CSMD1: variants seen among roughly 807,000 people sequenced by gnomAD.
The protein encoded by CSMD1 is CUB and Sushi multiple domains 1.
In CSMD1, 213 loss-of-function variants were observed where a neutral mutation model predicts 417.5. The observed-to-expected ratio is 0.51, with a 90% CI of 0.46 to 0.57. The LOEUF (loss-of-function observed/expected upper bound fraction) is 0.57, where lower values mean the gene tolerates loss of function less well. Among genes scored for constraint, CSMD1 ranks in the 20% least tolerant of loss-of-function variants. The probability of loss-of-function intolerance (pLI) is 0.00; values close to 1 mark genes in which losing one functional copy is unlikely to be tolerated. For missense variants in CSMD1, 6,923 were observed against 4,529.7 expected (o/e 1.53, Z -15.17); for synonymous variants, 2,862 against 1,736.8 (o/e 1.65, Z -16.11).
chr8:3,306,975 C>A (rs989988643), intron 25 of CSMD1, among the ~76,000 whole-genome samples: 6 of 152,052 alleles, frequency 3.9e-5, no homozygotes, highest in Admixed American at 3.9e-4. Flanking sequence ...CAATGATTTT[C>A]TTTTATATGT....
chr8:4,752,271 A>G (rs947514491), intron 1 of CSMD1, among the ~76,000 whole-genome samples: 4 of 152,188 alleles, frequency 2.6e-5, no homozygotes, highest in Admixed American at 2.0e-4. Flanking sequence ...TGACAATACA[A>G]TTTCATTTAT....
intron 7 of CSMD1, among the ~76,000 whole-genome samples, chr8:3,705,365 G>A (rs995964319): frequency 1.3e-5 from 2 of 152,154 alleles, no homozygotes; most frequent in Non-Finnish European, 2.9e-5. Context: ...CCATACCCTG[G>A]TGCTTCCCAC....
intron 1 of CSMD1, among the ~76,000 whole-genome samples, chr8:4,828,792 C>G (rs1799972254): frequency 6.6e-6 from 1 of 152,136 alleles, no homozygotes; most frequent in African/African-American, 2.4e-5. Flanking sequence ...CCCTTAAAAT[C>G]AGATGAGCCC....
chr8:4,167,013 C>A (rs1473820407), intron 3 of CSMD1, among the ~76,000 whole-genome samples: 1 of 152,170 alleles, frequency 6.6e-6, no homozygotes, highest in Non-Finnish European at 1.5e-5. Context: ...TTTGTGAAAT[C>A]TTTTTGTGTT....
At chr8:4,795,184 A>G (rs1797907857) in intron 1 of CSMD1, among the ~76,000 whole-genome samples, 1 of 149,212 alleles carries the variant, frequency 6.7e-6, no homozygotes, top group South Asian at 2.1e-4. Context: ...TTTAGGTGAA[A>G]AGACGCTTAA....
chr8:3,969,783 G>C (rs1320409824), intron 5 of CSMD1, among the ~76,000 whole-genome samples: 1 of 152,114 alleles, frequency 6.6e-6, no homozygotes, highest in Non-Finnish European at 1.5e-5. Context: ...AATCACTGAA[G>C]AAGAAATCTA....
intron 2 of CSMD1, among the ~76,000 whole-genome samples, chr8:4,499,470 GT>G (rs1160319989): frequency 6.6e-6 from 1 of 152,174 alleles, no homozygotes; most frequent in Non-Finnish European, 1.5e-5. Flanking sequence ...GATTCTGAAG[GT>G]CCTGCTTGGT....
chr8:3,400,472 A>G (rs889031297), intron 15 of CSMD1, among the ~76,000 whole-genome samples: 1 of 152,142 alleles, frequency 6.6e-6, no homozygotes, highest in African/African-American at 2.4e-5. Flanking sequence ...GATGCTAGAA[A>G]AAATGTGAAT....
chr8:4,253,002 C>T (rs1421923109), intron 3 of CSMD1, among the ~76,000 whole-genome samples: 2 of 152,156 alleles, frequency 1.3e-5, no homozygotes, highest in South Asian at 2.1e-4. Flanking sequence ...AAGCCAATGT[C>T]GGATTATCGG....
At chr8:4,299,611 T>G (rs1313913606) in intron 3 of CSMD1, among the ~76,000 whole-genome samples, 2 of 152,200 alleles carry the variant, frequency 1.3e-5, no homozygotes, top group African/African-American at 4.8e-5. Flanking sequence ...AATATTTTTG[T>G]ATCATATCAT....
intron 3 of CSMD1, among the ~76,000 whole-genome samples, chr8:4,189,996 C>T (rs931611125): frequency 6.6e-5 from 10 of 151,672 alleles, no homozygotes; most frequent in East Asian, 1.9e-4. Context: ...TGGTGGCTCA[C>T]GCCTGAAATC....
chr8:3,045,065 A>T (rs1194925736), intron 50 of CSMD1, among the ~76,000 whole-genome samples: 1 of 152,228 alleles, frequency 6.6e-6, no homozygotes, highest in African/African-American at 2.4e-5. Flanking sequence ...TTGAATACCA[A>T]GGAATTTTAA....
chr8:3,974,400 A>T (rs2130115003), intron 5 of CSMD1, among the ~76,000 whole-genome samples: 1 of 152,160 alleles, frequency 6.6e-6, no homozygotes, highest in East Asian at 1.9e-4. Flanking sequence ...TTAAACATGT[A>T]TTTTTATTTT....
At chr8:3,038,831 C>G (rs2128982404) in intron 50 of CSMD1, among the ~76,000 whole-genome samples, 1 of 152,230 alleles carries the variant, frequency 6.6e-6, no homozygotes, top group South Asian at 2.1e-4. Context: ...AACCTTAATG[C>G]TATTACGGAT....
intron 5 of CSMD1, among the ~76,000 whole-genome samples, chr8:3,946,205 G>A (rs1335771108): frequency 6.6e-6 from 1 of 152,110 alleles, no homozygotes; most frequent in Non-Finnish European, 1.5e-5. Flanking sequence ...TTTAGCAACT[G>A]TTCTAAATGA....
At position 3,930,406 on chromosome 8, in the gene CSMD1, T is replaced by G. The variant is rs905561999; in HGVS notation, c.818+67497A>C. 3.1e-4 allele frequency among the ~76,000 whole-genome samples: 46 copies of G among 150,808 alleles called. 1 individual carries two copies. Among genetic ancestry groups the G allele is most frequent in the African/African-American group, 1.1e-3 (45 of 40,980 alleles). On this transcript the variant is annotated intron_variant, in intron 5 of 69. Coordinates refer to ENST00000635120, the MANE Select transcript of CSMD1 (RefSeq NM_033225.6). The stretch of plus-strand genomic sequence containing the variant: ...CAACTTAGCCCTGGCATGCTTATAC[T>G]GGTCCAAGCAAGCATTAGGTCAAAG...
intron 5 of CSMD1, among the ~76,000 whole-genome samples, chr8:3,818,440 C>T (rs1801519665): frequency 6.6e-6 from 1 of 152,160 alleles, no homozygotes; most frequent in Non-Finnish European, 1.5e-5. Context: ...TAATTAACTC[C>T]TCATGGATCA....
intron 18 of CSMD1, among the ~76,000 whole-genome samples, chr8:3,382,541 A>ATATAAATATATAT (rs57917332): frequency 5.3e-5 from 6 of 113,202 alleles, no homozygotes; most frequent in African/African-American, 2.0e-4. Flanking sequence ...ATATATATTT[A>ATATAAATATATAT]TTATTAGCAT....
At chr8:3,902,225 C>T (rs1807802947) in intron 5 of CSMD1, among the ~76,000 whole-genome samples, 1 of 152,134 alleles carries the variant, frequency 6.6e-6, no homozygotes, top group Non-Finnish European at 1.5e-5. Flanking sequence ...TGATTTTCAG[C>T]CCATTGACCA....
Sources: allele counts gnomAD v4.1 joint callset (sites outside exome capture counted in the v4.1 genomes callset), GRCh38; gene constraint gnomAD v4.1.1; transcripts MANE v1.5; gene names NCBI Gene and HGNC (gene_info 2026-07-23, HGNC 2026-07-21).